The following LUZP2 variants were observed in gnomAD, a reference collection of about 807,000 sequenced individuals.
LUZP2 encodes the protein leucine zipper protein 2.
Under a neutral mutation model 51.6 loss-of-function variants are expected in LUZP2, and 52 were observed. The ratio of observed to expected loss-of-function variants is 1.01; its 90% CI spans 0.81 to 1.27. LUZP2 has a LOEUF of 1.27. Among genes scored for constraint, LUZP2 ranks in the 50% most tolerant of loss-of-function variants. The pLI is 0.00. For synonymous variants in LUZP2, 154 were observed against 137.3 expected (o/e 1.12, Z -0.85); for missense variants, 436 against 395.4 (o/e 1.10, Z -0.87).
chr11:24,672,184 C>A (rs11028096), intron 1 of LUZP2, among the ~76,000 whole-genome samples: 1 of 151,962 alleles, frequency 6.6e-6, no homozygotes, highest in Non-Finnish European at 1.5e-5. Context: ...GTGTTATGAT[C>A]TCAAATTTTG....
intron 7 of LUZP2, among the ~76,000 whole-genome samples, chr11:24,949,330 ATCTC>A (rs57384444): frequency 2.3e-3 from 80 of 34,330 alleles, no homozygotes; most frequent in South Asian, 3.6e-3. Flanking sequence ...CTATCTATCT[ATCTC>A]TCTATCTATC....
chr11:25,069,357 A>G (rs1336213433), intron 10 of LUZP2, among the ~76,000 whole-genome samples: 1 of 151,970 alleles, frequency 6.6e-6, no homozygotes, highest in Non-Finnish European at 1.5e-5. Context: ...AAATATCTTG[A>G]GTATTGATAT....
chr11:25,071,876 TG>T (rs1191614858), intron 10 of LUZP2, among the ~76,000 whole-genome samples: 1 of 151,556 alleles, frequency 6.6e-6, no homozygotes, highest in African/African-American at 2.4e-5. Context: ...TCACACATGA[TG>T]AAAAAGCATA....
At chr11:24,588,614 A>C (rs1853151105) in intron 1 of LUZP2, among the ~76,000 whole-genome samples, 1 of 134,356 alleles carries the variant, frequency 7.4e-6, no homozygotes, top group Non-Finnish European at 1.6e-5. Context: ...CTCATTTAGA[A>C]ACAAACAAAT....
intron 5 of LUZP2, among the ~76,000 whole-genome samples, chr11:24,832,937 A>G (rs1296973461): frequency 1.3e-5 from 2 of 152,142 alleles, no homozygotes; most frequent in African/African-American, 4.8e-5. Flanking sequence ...TAGAGGCCAG[A>G]GGTCTGGATT....
chr11:24,912,342 T>C (rs1590720562), intron 6 of LUZP2, among the ~76,000 whole-genome samples: 1 of 152,082 alleles, frequency 6.6e-6, no homozygotes, highest in South Asian at 2.1e-4. Flanking sequence ...AATAGAAATA[T>C]CTGTGAAAAA....
At position 24,772,706 on chromosome 11, in the gene LUZP2, G is replaced by A. The variant is rs138395847; in HGVS notation, c.396+9398G>A. Among the ~76,000 whole-genome samples the A allele has an allele frequency of 8.5e-5, 13 of 152,220 alleles. No individual in the cohort carries two copies. The East Asian group carries it at 2.5e-3, about 29-fold the overall frequency. On this transcript the variant is annotated intron_variant, in intron 5 of 11. Coordinates refer to ENST00000336930, the MANE Select transcript of LUZP2 (RefSeq NM_001009909.4). Reference sequence around the variant, plus strand: ...GAATTTCCTGTCTCTCAATTCTGGAGGCTACAAGTCTGGATCCACAGTGTC... The same window carrying A: ...GAATTTCCTGTCTCTCAATTCTGGAAGCTACAAGTCTGGATCCACAGTGTC...
intron 1 of LUZP2, among the ~76,000 whole-genome samples, chr11:24,501,137 G>A (rs1156862161): frequency 1.3e-5 from 2 of 152,144 alleles, no homozygotes; most frequent in Admixed American, 6.6e-5. Flanking sequence ...TGCTACCTAC[G>A]TTCCTTTATT....
At chr11:25,011,838 A>G (rs1856993285) in intron 9 of LUZP2, among the ~76,000 whole-genome samples, 1 of 151,844 alleles carries the variant, frequency 6.6e-6, no homozygotes, top group Non-Finnish European at 1.5e-5. Flanking sequence ...ATCTGTTGGG[A>G]ATATTTCAAG....
intron 7 of LUZP2, among the ~76,000 whole-genome samples, chr11:24,961,009 G>A (rs1192408906): frequency 6.6e-6 from 1 of 152,078 alleles, no homozygotes; most frequent in Non-Finnish European, 1.5e-5. Context: ...TATGTACCCA[G>A]TAGTCATTCA....
chr11:24,592,059 A>G (rs574076091), intron 1 of LUZP2, among the ~76,000 whole-genome samples: 28 of 152,194 alleles, frequency 1.8e-4, no homozygotes, highest in Non-Finnish European at 3.7e-4. Context: ...GGGTGTTGGT[A>G]GGAAATGGAA....
At chr11:24,907,195 A>G (rs1489285825) in intron 6 of LUZP2, among the ~76,000 whole-genome samples, 3 of 152,012 alleles carry the variant, frequency 2.0e-5, no homozygotes, top group Non-Finnish European at 4.4e-5. Context: ...GCGAGTCTGG[A>G]AAATGTCACT....
chr11:24,983,325 A>G (rs776296054), intron 9 of LUZP2, 32 bp downstream of exon 9: 1 of 1,600,710 alleles, frequency 6.2e-7, no homozygotes, highest in Admixed American at 1.7e-5. Context: ...TTTGTAAAGT[A>G]ACAGCAAGTA....
intron 5 of LUZP2, among the ~76,000 whole-genome samples, chr11:24,901,014 T>C (rs1328851031): frequency 6.6e-6 from 1 of 152,160 alleles, no homozygotes; most frequent in East Asian, 1.9e-4. Context: ...TTCTGTGGTC[T>C]GCTTGGGTTT....
intron 4 of LUZP2, among the ~76,000 whole-genome samples, chr11:24,752,227 T>C (rs1368658826): frequency 6.6e-6 from 1 of 152,088 alleles, no homozygotes; most frequent in African/African-American, 2.4e-5. Flanking sequence ...AATTACAAAA[T>C]TTTCCAAGGG....
intron 1 of LUZP2, among the ~76,000 whole-genome samples, chr11:24,668,441 C>T (rs1856288496): frequency 6.6e-6 from 1 of 152,260 alleles, no homozygotes; most frequent in Non-Finnish European, 1.5e-5. Context: ...TCTGTGGAGA[C>T]AAATGACATG....
chr11:24,591,786 C>T (rs2133843632), intron 1 of LUZP2, among the ~76,000 whole-genome samples: 1 of 152,272 alleles, frequency 6.6e-6, no homozygotes, highest in East Asian at 1.9e-4. Context: ...CTCCACAAGG[C>T]AGGCTGTGCT....
At chr11:24,737,556 C>T (rs1317130661) in intron 3 of LUZP2, among the ~76,000 whole-genome samples, 1 of 151,632 alleles carries the variant, frequency 6.6e-6, no homozygotes, top group Non-Finnish European at 1.5e-5. Context: ...TAAATAAATC[C>T]TAAATCCTTA....
At chr11:24,783,052 A>G (rs995713272) in intron 5 of LUZP2, among the ~76,000 whole-genome samples, 10 of 152,016 alleles carry the variant, frequency 6.6e-5, no homozygotes, top group Admixed American at 5.9e-4. Context: ...TTGATTACCT[A>G]CTGTTCTCAA....
Sources: gnomAD v4.1 joint callset for allele counts (sites outside exome capture counted in the v4.1 genomes callset) on GRCh38, gnomAD v4.1.1 for gene constraint, MANE v1.5 for transcripts, NCBI Gene and HGNC (gene_info 2026-07-23, HGNC 2026-07-21) for gene names.